Variants in MCTP1 observed in about 807,000 individuals in gnomAD.
The protein encoded by MCTP1 is multiple C2 and transmembrane domain-containing protein 1.
A neutral mutation model predicts 120.6 loss-of-function variants in MCTP1; 69 were observed. The observed-to-expected ratio is 0.57, with a 90% CI of 0.47 to 0.70. The LOEUF (loss-of-function observed/expected upper bound fraction) is 0.70. Ranked by LOEUF, MCTP1 falls within the 30% of genes least tolerant of loss-of-function variation. MCTP1 has a pLI of 0.00. For missense variants in MCTP1, 1,203 were observed against 1,248.8 expected, an observed-to-expected ratio of 0.96 and a Z score of 0.55; for synonymous variants, 529 against 493.1, an observed-to-expected ratio of 1.07 and a Z score of -0.96.
At chr5:95,033,759 G>A (rs1224896247) in intron 1 of MCTP1, among the ~76,000 whole-genome samples, 1 of 151,770 alleles carries the variant, frequency 6.6e-6, no homozygotes, top group African/African-American at 2.4e-5. Flanking sequence ...TATCCAAGTA[G>A]GAAAAAAAGG....
chr5:94,761,978 C>T (rs1290452134), intron 19 of MCTP1, among the ~76,000 whole-genome samples: 1 of 152,200 alleles, frequency 6.6e-6, no homozygotes, highest in Non-Finnish European at 1.5e-5. Flanking sequence ...ACCAAGCCAC[C>T]TTGAATGTGC....
intron 12 of MCTP1, among the ~76,000 whole-genome samples, chr5:94,878,032 T>C (rs1730872166): frequency 6.6e-6 from 1 of 152,138 alleles, no homozygotes; most frequent in Non-Finnish European, 1.5e-5. Flanking sequence ...CATGGGGGCC[T>C]TTTATTTTGG....
chr5:95,269,812 C>T (rs1222271884), intron 1 of MCTP1, among the ~76,000 whole-genome samples: 1 of 152,226 alleles, frequency 6.6e-6, no homozygotes, highest in Non-Finnish European at 1.5e-5. Context: ...TACTTAGCCT[C>T]TCTAAGAATT....
At chr5:95,269,240 T>C (rs943672601) in intron 1 of MCTP1, among the ~76,000 whole-genome samples, 4 of 152,172 alleles carry the variant, frequency 2.6e-5, no homozygotes, top group Non-Finnish European at 4.4e-5. Context: ...GAAGACATTA[T>C]CTCACACCTT....
intron 1 of MCTP1, among the ~76,000 whole-genome samples, chr5:95,170,254 G>T (rs910672545): frequency 6.6e-6 from 1 of 152,196 alleles, no homozygotes; most frequent in Non-Finnish European, 1.5e-5. Context: ...GTTCTAGTTT[G>T]ATTGCACTGT....
intron 1 of MCTP1, among the ~76,000 whole-genome samples, chr5:95,152,204 G>C (rs1356326059): frequency 1.3e-5 from 2 of 152,172 alleles, no homozygotes; most frequent in African/African-American, 4.8e-5. Flanking sequence ...ATTCAGAAAT[G>C]AGAGAGAAAA....
rs1258232419 is a variant in MCTP1, at chr5:94,704,875, A to G, written c.*2621T>C. On this transcript the variant is annotated 3_prime_UTR_variant, in exon 23 of 23. Coordinates refer to ENST00000515393, the MANE Select transcript of MCTP1 (RefSeq NM_024717.7). ...TAATCTGAGTTGGGAGATTCAATCAATCAATCAGTTTGAGTCTGGAACAGT... is the reference window on the plus strand; with the variant it reads ...TAATCTGAGTTGGGAGATTCAATCAGTCAATCAGTTTGAGTCTGGAACAGT... The G allele has an allele frequency of 2.0e-5, 3 of 151,056 alleles. No individual in the cohort carries two copies. The highest frequency in any genetic ancestry group is 3.0e-5 in the Non-Finnish European group (2 of 67,504). 9.4% of individuals were successfully genotyped at this position (151,056 alleles called of 1,614,324 possible).
chr5:94,920,163 A>G (rs1255343724), intron 7 of MCTP1, among the ~76,000 whole-genome samples: 4 of 152,218 alleles, frequency 2.6e-5, no homozygotes, highest in African/African-American at 7.2e-5. Flanking sequence ...ATACAAATAG[A>G]AAATCATCAC....
At chr5:94,811,476 G>A (rs951687483) in intron 17 of MCTP1, among the ~76,000 whole-genome samples, 1 of 152,146 alleles carries the variant, frequency 6.6e-6, no homozygotes, top group African/African-American at 2.4e-5. Flanking sequence ...AAGGCCCTGG[G>A]CCAAGACCAC....
chr5:95,238,792 C>A (rs916130596), intron 1 of MCTP1, among the ~76,000 whole-genome samples: 4 of 152,110 alleles, frequency 2.6e-5, no homozygotes, highest in African/African-American at 9.7e-5. Flanking sequence ...TGACTACAGA[C>A]CCCTAAGCCC....
At chr5:94,724,998 C>T (rs1440471744) in intron 19 of MCTP1, among the ~76,000 whole-genome samples, 1 of 152,110 alleles carries the variant, frequency 6.6e-6, no homozygotes, top group Non-Finnish European at 1.5e-5. Flanking sequence ...CTTTCAACCA[C>T]GATAACACAA....
At chr5:95,072,081 C>CTGTGTGTGTGTG (rs56135843) in intron 1 of MCTP1, among the ~76,000 whole-genome samples, 6,768 of 143,788 alleles carry the variant, frequency 0.047, 219 homozygotes, top group Middle Eastern at 0.1. Context: ...GCCAATTTTC[C>CTGTGTGTGTGTG]TGTGTGTGTG....
At chr5:94,840,315 A>C (rs941362698) in intron 17 of MCTP1, among the ~76,000 whole-genome samples, 1 of 152,246 alleles carries the variant, frequency 6.6e-6, no homozygotes, top group Non-Finnish European at 1.5e-5. Context: ...GACAAAACTG[A>C]GAAGACTGAG....
chr5:94,877,036 A>C (rs1396616374), intron 12 of MCTP1, among the ~76,000 whole-genome samples: 1 of 151,976 alleles, frequency 6.6e-6, no homozygotes, highest in Non-Finnish European at 1.5e-5. Context: ...AGGTAAGTGA[A>C]GGGTGCAACA....
chr5:95,092,452 C>G (rs983784750), intron 1 of MCTP1, among the ~76,000 whole-genome samples: 1 of 152,146 alleles, frequency 6.6e-6, no homozygotes, highest in African/African-American at 2.4e-5. Context: ...TTCTAGTATT[C>G]TGTAGTACTA....
intron 17 of MCTP1, among the ~76,000 whole-genome samples, chr5:94,815,221 A>T (rs1580827778): frequency 6.6e-6 from 1 of 152,342 alleles, no homozygotes; most frequent in East Asian, 1.9e-4. Context: ...TTATGCCAGC[A>T]CTTCCAAAAT....
intron 17 of MCTP1, among the ~76,000 whole-genome samples, chr5:94,816,170 T>C (rs988400525): frequency 3.3e-5 from 5 of 152,200 alleles, no homozygotes; most frequent in African/African-American, 1.2e-4. Flanking sequence ...AAAATACGTA[T>C]GTATAAATAT....
chr5:94,805,823 CT>C (rs571137634), intron 17 of MCTP1, among the ~76,000 whole-genome samples: 2 of 147,802 alleles, frequency 1.4e-5, no homozygotes, highest in Non-Finnish European at 3.0e-5. Context: ...AGAGCCAAGT[CT>C]TCTCCTTCCT....
At chr5:94,929,970 G>A (rs1814136641) in intron 6 of MCTP1, among the ~76,000 whole-genome samples, 1 of 152,094 alleles carries the variant, frequency 6.6e-6, no homozygotes, top group African/African-American at 2.4e-5. Context: ...AAAAGCTTAT[G>A]TTAACGCTGT....
Sources: gnomAD v4.1 joint callset for allele counts (sites outside exome capture counted in the v4.1 genomes callset) on GRCh38, gnomAD v4.1.1 for gene constraint, MANE v1.5 for transcripts, NCBI Gene and HGNC (gene_info 2026-07-23, HGNC 2026-07-21) for gene names.